Variants in CEP128 observed in about 807,000 individuals in gnomAD.
CEP128 encodes the protein centrosomal protein 128.
A neutral mutation model predicts 156.7 loss-of-function variants in CEP128; 132 were observed. The ratio of observed to expected loss-of-function variants is 0.84; its 90% CI spans 0.73 to 0.97. The LOEUF (loss-of-function observed/expected upper bound fraction) is 0.97. Ranked by LOEUF, CEP128 falls within the 50% of genes least tolerant of loss-of-function variation. CEP128 has a pLI of 0.00. For synonymous variants in CEP128, 469 were observed against 448.9 expected (o/e 1.04, Z -0.57); for missense variants, 1,252 against 1,281.9 (o/e 0.98, Z 0.36).
At chr14:80,718,639 C>G (rs1897698767) in intron 19 of CEP128, among the ~76,000 whole-genome samples, 1 of 152,156 alleles carries the variant, frequency 6.6e-6, no homozygotes, top group Admixed American at 6.5e-5. Context: ...TGTAGTGATA[C>G]TGAGTATTTT....
In CEP128 at chr14:80,673,673, G is replaced by GAAAA. The variant is rs1895946020; in HGVS notation, c.2806+69401_2806+69402insTTTT. Reference sequence around the variant, plus strand: ...AAAAAAAAAAAAAAAAAAAAAAAATGTACTAAAGCAAAGGGATCTCACATT... The same window carrying GAAAA: ...AAAAAAAAAAAAAAAAAAAAAAAATGAAAATACTAAAGCAAAGGGATCTCACATT... On this transcript the variant is annotated intron_variant, in intron 19 of 24. Transcript: ENST00000555265. Among the ~76,000 whole-genome samples the GAAAA allele has an allele frequency of 3.2e-4, 21 of 65,126 alleles. 2 individuals are homozygous for GAAAA. The highest frequency in any genetic ancestry group is 3.1e-3 in the East Asian group (4 of 1,308). The allele number at this position is 65,126 out of a possible 152,430, so 42.7% of individuals were successfully genotyped here.
intron 4 of CEP128, among the ~76,000 whole-genome samples, chr14:80,911,549 T>C (rs1387028796): frequency 6.6e-6 from 1 of 152,138 alleles, no homozygotes; most frequent in Non-Finnish European, 1.5e-5. Context: ...AAATATGTGA[T>C]TCAGAAGGAC....
At chr14:80,727,357 C>CCAT (rs1277280472) in intron 19 of CEP128, among the ~76,000 whole-genome samples, 1 of 151,972 alleles carries the variant, frequency 6.6e-6, no homozygotes, top group Non-Finnish European at 1.5e-5. Flanking sequence ...GCTTAGATAT[C>CCAT]CATGTCACCT....
chr14:80,597,652 A>G (rs1460454940), intron 19 of CEP128, among the ~76,000 whole-genome samples: 1 of 151,876 alleles, frequency 6.6e-6, no homozygotes, highest in Non-Finnish European at 1.5e-5. Context: ...AAAAGAAAAA[A>G]AAAAACCGCA....
rs1891552138 is a variant in CEP128, at chr14:80,580,653, C to T, written c.2807-230G>A. 2.0e-5 allele frequency among the ~76,000 whole-genome samples: 3 copies of T among 152,150 alleles called. No homozygotes were observed. In the South Asian group the frequency reaches 6.2e-4, roughly 32 times the overall value. ...CTAGCCAAGAAGCCCTGGGACATCT[C>T]TCAGCTTTACCTGACATACCAAAGG... On this transcript the variant is annotated intron_variant, in intron 19 of 24. Transcript: ENST00000555265.
At chr14:80,555,244 T>C (rs1271267201) in intron 21 of CEP128, among the ~76,000 whole-genome samples, 1 of 152,160 alleles carries the variant, frequency 6.6e-6, no homozygotes, top group Non-Finnish European at 1.5e-5. Context: ...AATGAAGGCC[T>C]AGTTTTTGCC....
chr14:80,519,945 T>C (rs1434922978), intron 23 of CEP128, among the ~76,000 whole-genome samples: 1 of 152,208 alleles, frequency 6.6e-6, no homozygotes, highest in Non-Finnish European at 1.5e-5. Flanking sequence ...TGTTCTCACA[T>C]TCTCAGTCTC....
intron 23 of CEP128, among the ~76,000 whole-genome samples, chr14:80,524,433 C>A (rs960699054): frequency 6.6e-6 from 1 of 152,150 alleles, no homozygotes; most frequent in Non-Finnish European, 1.5e-5. Flanking sequence ...GCATTTTCTT[C>A]AGGATGTCAG....
At chr14:80,755,432 C>T (rs1232154177) in intron 18 of CEP128, among the ~76,000 whole-genome samples, 1 of 152,158 alleles carries the variant, frequency 6.6e-6, no homozygotes, top group Non-Finnish European at 1.5e-5. Flanking sequence ...CATTCATTAG[C>T]TATTTTACCT....
chr14:80,659,384 G>A (rs1490695019), intron 19 of CEP128, among the ~76,000 whole-genome samples: 1 of 152,100 alleles, frequency 6.6e-6, no homozygotes, highest in Non-Finnish European at 1.5e-5. Context: ...GTTTCCAATT[G>A]AAGTGTATGC....
intron 2 of CEP128, among the ~76,000 whole-genome samples, chr14:80,947,569 A>G (rs1015249413): frequency 6.6e-6 from 1 of 152,232 alleles, no homozygotes; most frequent in Non-Finnish European, 1.5e-5. Flanking sequence ...TTCTGAATAC[A>G]GGGCCCTGAG....
At chr14:80,717,177 A>T (rs1248309294) in intron 19 of CEP128, among the ~76,000 whole-genome samples, 2 of 152,344 alleles carry the variant, frequency 1.3e-5, no homozygotes, top group East Asian at 3.9e-4. Context: ...GGTAGTGCAC[A>T]CAAGTTGTTA....
chr14:80,689,251 A>C (rs1267579728), intron 19 of CEP128, among the ~76,000 whole-genome samples: 1 of 139,160 alleles, frequency 7.2e-6, no homozygotes, highest in Non-Finnish European at 1.5e-5. Context: ...AGAGTGACCC[A>C]CTGAACTGCA....
At chr14:80,856,457 C>A (rs560712409) in intron 9 of CEP128, among the ~76,000 whole-genome samples, 1 of 152,120 alleles carries the variant, frequency 6.6e-6, no homozygotes, top group African/African-American at 2.4e-5. Flanking sequence ...CCACTCTGGG[C>A]AACATGGCGA....
At chr14:80,689,122 G>A (rs1042370038) in intron 19 of CEP128, among the ~76,000 whole-genome samples, 3 of 151,888 alleles carry the variant, frequency 2.0e-5, no homozygotes, top group Non-Finnish European at 4.4e-5. Context: ...AGGCCGAGGT[G>A]GGTGGATCAC....
chr14:80,490,308 T>G (rs1311692751), downstream of CEP128, among the ~76,000 whole-genome samples: 1 of 152,076 alleles, frequency 6.6e-6, no homozygotes, highest in African/African-American at 2.4e-5. Context: ...TATGACAATG[T>G]CAAAATATGG....
At chr14:80,776,438 A>T (rs1212933896) in intron 16 of CEP128, among the ~76,000 whole-genome samples, 5 of 149,944 alleles carry the variant, frequency 3.3e-5, no homozygotes, top group African/African-American at 9.7e-5. Context: ...CCTAACTTAC[A>T]TTTTATTTCC....
intron 21 of CEP128, among the ~76,000 whole-genome samples, chr14:80,558,203 A>T (rs1890517931): frequency 6.6e-6 from 1 of 152,122 alleles, no homozygotes; most frequent in Admixed American, 6.5e-5. Flanking sequence ...TCCATTTAAT[A>T]TTATAAGCCT....
intron 2 of CEP128, 82 bp downstream of exon 2, chr14:80,939,303 T>A (rs983276313): frequency 2.6e-5 from 4 of 151,838 alleles, no homozygotes; most frequent in African/African-American, 9.7e-5. Context: ...CTCCCAAAAC[T>A]CTATTTCTTG....
Sources: allele counts gnomAD v4.1 joint callset (sites outside exome capture counted in the v4.1 genomes callset), GRCh38; gene constraint gnomAD v4.1.1; transcripts MANE v1.5; gene names NCBI Gene and HGNC (gene_info 2026-07-23, HGNC 2026-07-21).